Variants in PLXNA4 observed in about 807,000 individuals in gnomAD.
PLXNA4 encodes plexin A4, also known as plexin-A4.
In PLXNA4, 44 loss-of-function variants were observed where a neutral mutation model predicts 191.8. The ratio of observed to expected loss-of-function variants is 0.23; its 90% CI spans 0.18 to 0.29. The LOEUF is 0.29. PLXNA4 is among the 10% of genes least tolerant of loss of function. The pLI is 1.00. For missense variants in PLXNA4, 1,800 were observed against 2,488.8 expected (o/e 0.72, Z 5.89); for synonymous variants, 1,082 against 1,009.5 (o/e 1.07, Z -1.36).
chr7:132,614,263 C>T (rs1008895121), intron 2 of PLXNA4, among the ~76,000 whole-genome samples: 1 of 152,184 alleles, frequency 6.6e-6, no homozygotes, highest in African/African-American at 2.4e-5. Context: ...GTATTTTACA[C>T]TCTTTTTTTC....
intron 2 of PLXNA4, among the ~76,000 whole-genome samples, chr7:132,582,383 T>C (rs1183828258): frequency 6.6e-6 from 1 of 152,176 alleles, no homozygotes; most frequent in Non-Finnish European, 1.5e-5. Flanking sequence ...TGACTGTGGT[T>C]GCCAGCCTCC....
chr7:132,535,332 G>A (rs1475747674), intron 1 of PLXNA4, among the ~76,000 whole-genome samples: 2 of 152,226 alleles, frequency 1.3e-5, no homozygotes, highest in South Asian at 4.1e-4. Context: ...CCCCAACTTT[G>A]TTGAGGGTTC....
rs1043261171 is a variant in PLXNA4 at position 132,223,448 on chromosome 7, C to T, written c.2097+79G>A. 3.0e-5 allele frequency: 38 copies of T among 1,261,360 alleles called. No homozygotes were observed. In the Middle Eastern group the frequency reaches 1.3e-3, roughly 44 times the overall value. The allele number at this position is 1,261,360 out of a possible 1,614,324, so 78.1% of individuals were successfully genotyped here. A position where few individuals can be genotyped will look rare whatever the true frequency, so the allele number is the denominator to read the frequency against. On this transcript the variant is annotated intron_variant, in intron 9 of 31. Coordinates refer to ENST00000321063, the MANE Select transcript of PLXNA4 (RefSeq NM_020911.2). ...CCTGCACAGTTTTCCTTTGGTTTCT[C>T]CTCTTAAGGGAATGCCTCTCTTCTG...
At chr7:132,147,252 T>C (rs187745725) in intron 27 of PLXNA4, among the ~76,000 whole-genome samples, 11 of 152,340 alleles carry the variant, frequency 7.2e-5, no homozygotes, top group African/African-American at 2.6e-4. Context: ...GAAAAAGAAA[T>C]GGCGGTCCTA....
chr7:132,647,813 CACAT>C (rs1354831313), intron 1 of PLXNA4, among the ~76,000 whole-genome samples: 3 of 151,774 alleles, frequency 2.0e-5, no homozygotes, highest in African/African-American at 4.8e-5. Context: ...CACACACATA[CACAT>C]ACACTCAAAA....
intron 21 of PLXNA4, among the ~76,000 whole-genome samples, chr7:132,173,657 A>G (rs529010984): frequency 1.3e-5 from 2 of 152,308 alleles, no homozygotes; most frequent in East Asian, 3.9e-4. Context: ...AGCCTACTAC[A>G]TTCCCTTGGA....
chr7:132,171,200 A>G (rs1796275485), intron 21 of PLXNA4, among the ~76,000 whole-genome samples: 1 of 152,272 alleles, frequency 6.6e-6, no homozygotes, highest in Admixed American at 6.5e-5. Context: ...TTTCTTGGGC[A>G]TCCACCATGT....
chr7:132,394,654 C>T (rs1529764), intron 3 of PLXNA4, among the ~76,000 whole-genome samples: 67,159 of 152,136 alleles, frequency 0.44, 17,517 homozygotes, highest in African/African-American at 0.73. Flanking sequence ...GAAGTCACAT[C>T]GCACGCAACA....
intron 25 of PLXNA4, among the ~76,000 whole-genome samples, chr7:132,156,660 A>C (rs1428685406): frequency 6.6e-6 from 1 of 152,212 alleles, no homozygotes; most frequent in Non-Finnish European, 1.5e-5. Context: ...GGGCTGAGTG[A>C]GTGCCAATGT....
chr7:132,610,471 G>C (rs912715482), intron 2 of PLXNA4, among the ~76,000 whole-genome samples: 3 of 152,116 alleles, frequency 2.0e-5, no homozygotes, highest in Admixed American at 6.5e-5. Flanking sequence ...CCTCTCAAAG[G>C]TTCTTCCTAG....
intron 3 of PLXNA4, among the ~76,000 whole-genome samples, chr7:132,421,714 AATT>A (rs1794857309): frequency 6.6e-6 from 1 of 152,144 alleles, no homozygotes; most frequent in Non-Finnish European, 1.5e-5. Context: ...TCAAAATGGT[AATT>A]ATTATTATTA....
In PLXNA4 at chr7:132,168,318, C is replaced by T. The variant is rs1467641522; in HGVS notation, c.4272G>A (p.Lys1424=). Residue 1424 remains lysine, a synonymous_variant, in exon 22 of 32, where the codon AAG becomes AAA. Transcript: ENST00000321063. ...TGCACCCTCACCTCCTGAGCAGCAGCTTAGGGTGGTTCTTGCTCTCCAGGT... is the reference window on the plus strand; with the variant it reads ...TGCACCCTCACCTCCTGAGCAGCAGTTTAGGGTGGTTCTTGCTCTCCAGGT... ...DKNLESKNHP[K]LLLRRTESVA... 2 of 1,574,592 alleles carry T rather than the reference C, an allele frequency of 1.3e-6. No homozygotes were observed. Among genetic ancestry groups the T allele is most frequent in the Admixed American group, 3.4e-5 (2 of 58,026 alleles).
chr7:132,419,830 G>T (rs1236295533), intron 3 of PLXNA4, among the ~76,000 whole-genome samples: 1 of 152,160 alleles, frequency 6.6e-6, no homozygotes, highest in Non-Finnish European at 1.5e-5. Flanking sequence ...ATAAACAAAT[G>T]AATGTGGCTG....
chr7:132,431,037 C>G (rs1795241467), intron 3 of PLXNA4, among the ~76,000 whole-genome samples: 1 of 152,146 alleles, frequency 6.6e-6, no homozygotes, highest in South Asian at 2.1e-4. Flanking sequence ...AGCACTTACT[C>G]CCTGTAAATG....
At chr7:132,414,751 G>A (rs2117111071) in intron 3 of PLXNA4, among the ~76,000 whole-genome samples, 1 of 152,244 alleles carries the variant, frequency 6.6e-6, no homozygotes, top group East Asian at 1.9e-4. Context: ...AGAGACACTG[G>A]CAAGAGGCGT....
At chr7:132,327,497 G>A (rs964785234) in intron 3 of PLXNA4, among the ~76,000 whole-genome samples, 1 of 152,142 alleles carries the variant, frequency 6.6e-6, no homozygotes, top group Non-Finnish European at 1.5e-5. Flanking sequence ...GAAGTGGCAG[G>A]TTCTTCCAGA....
At chr7:132,419,526 A>C (rs1024519336) in intron 3 of PLXNA4, among the ~76,000 whole-genome samples, 2 of 152,262 alleles carry the variant, frequency 1.3e-5, no homozygotes, top group African/African-American at 4.8e-5. Context: ...ATAAAAGTTA[A>C]AGGAAATAAG....
At chr7:132,602,296 G>A (rs1294948824) in intron 2 of PLXNA4, among the ~76,000 whole-genome samples, 1 of 152,178 alleles carries the variant, frequency 6.6e-6, no homozygotes, top group Non-Finnish European at 1.5e-5. Context: ...TTCATGAGTT[G>A]TCATTTGGAG....
At chr7:132,342,257 TA>T (rs1050892752) in intron 3 of PLXNA4, among the ~76,000 whole-genome samples, 15 of 146,576 alleles carry the variant, frequency 1.0e-4, no homozygotes, top group Non-Finnish European at 2.1e-4. Flanking sequence ...GGCAACTAGA[TA>T]AAAAAAATAA....
Sources: gnomAD v4.1 joint callset for allele counts (sites outside exome capture counted in the v4.1 genomes callset) on GRCh38, gnomAD v4.1.1 for gene constraint, MANE v1.5 for transcripts, NCBI Gene and HGNC (gene_info 2026-07-23, HGNC 2026-07-21) for gene names.